The following MIR2052HG variants were observed in gnomAD, a reference collection of about 807,000 sequenced individuals.
The protein encoded by MIR2052HG is MIR2052 host gene.
At chr8:74,642,394 A>G (rs79343464) in intron 2 of MIR2052HG, among the ~76,000 whole-genome samples, 6,791 of 152,102 alleles carry the variant, frequency 0.045, 230 homozygotes, top group Non-Finnish European at 0.053. Context: ...CATTTCATGG[A>G]ACAAATTATT....
At chr8:74,665,650 T>A (rs2128737452) in intron 2 of MIR2052HG, among the ~76,000 whole-genome samples, 1 of 152,332 alleles carries the variant, frequency 6.6e-6, no homozygotes, top group East Asian at 1.9e-4. Flanking sequence ...CATTTTATTT[T>A]GACCACATTT....
intron 1 of MIR2052HG, among the ~76,000 whole-genome samples, chr8:74,602,817 G>GTTTGTTTCTTTCTTTCTTTC (rs554782820): frequency 2.7e-5 from 2 of 73,786 alleles, no homozygotes; most frequent in African/African-American, 1.3e-4. Context: ...GCCCGGCCGT[G>GTTTGTTTCTTTCTTTCTTTC]TTTCTTTCTT....
intron 2 of MIR2052HG, among the ~76,000 whole-genome samples, chr8:74,687,353 C>T (rs1809193148): frequency 6.6e-6 from 1 of 152,010 alleles, no homozygotes; most frequent in Non-Finnish European, 1.5e-5. Flanking sequence ...GGCATATATC[C>T]AAAATAATTA....
intron 1 of MIR2052HG, among the ~76,000 whole-genome samples, chr8:74,606,648 G>A (rs1030092473): frequency 5.3e-5 from 8 of 152,062 alleles, no homozygotes; most frequent in East Asian, 3.9e-4. Flanking sequence ...ACATAGACAC[G>A]TACAGGGGAA....
chr8:74,603,859 GC>G (rs1808064471), intron 1 of MIR2052HG: 1 of 926,862 alleles, frequency 1.1e-6, no homozygotes, highest in African/African-American at 1.6e-5. Context: ...CTAGACCTGA[GC>G]CCCTGTACTC....
chr8:74,702,097 A>C (rs2128740933), intron 2 of MIR2052HG, among the ~76,000 whole-genome samples: 1 of 152,170 alleles, frequency 6.6e-6, no homozygotes, highest in African/African-American at 2.4e-5. Flanking sequence ...TAAAGTTCAA[A>C]ATTTTTGACT....
intron 4 of MIR2052HG, among the ~76,000 whole-genome samples, chr8:74,718,607 C>T (rs985172792): frequency 6.6e-6 from 1 of 152,142 alleles, no homozygotes; most frequent in Admixed American, 6.5e-5. Context: ...CACCTAGGAA[C>T]AAAGGAAGCT....
intron 2 of MIR2052HG, chr8:74,615,094 T>TA: frequency 6.6e-6 from 1 of 152,296 alleles, no homozygotes; most frequent in African/African-American, 2.4e-5. Context: ...CTCTCTAGCC[T>TA]ACTTCATTGA....
At chr8:74,709,442 TG>T (rs1809444736) in intron 4 of MIR2052HG, among the ~76,000 whole-genome samples, 1 of 151,862 alleles carries the variant, frequency 6.6e-6, no homozygotes, top group Non-Finnish European at 1.5e-5. Context: ...TTTTTTTGAT[TG>T]GGGGAGGAGT....
chr8:74,692,439 A>G (rs1029932648), intron 2 of MIR2052HG, among the ~76,000 whole-genome samples: 9 of 152,218 alleles, frequency 5.9e-5, no homozygotes, highest in Non-Finnish European at 1.2e-4. Flanking sequence ...AGTAAGAACA[A>G]AGAGAATGTC....
chr8:74,732,202 G>A (rs1431654996), intron 4 of MIR2052HG, among the ~76,000 whole-genome samples: 2 of 152,114 alleles, frequency 1.3e-5, no homozygotes, highest in East Asian at 3.8e-4. Flanking sequence ...ACAGCTATTT[G>A]CGTGACATCT....
chr8:74,747,982 T>C (rs1217209701), intron 4 of MIR2052HG, among the ~76,000 whole-genome samples: 2 of 152,180 alleles, frequency 1.3e-5, no homozygotes, highest in Admixed American at 1.3e-4. Context: ...TCTCATGGTC[T>C]TTTTTTGCTG....
rs149797655 is a variant in MIR2052HG, at chr8:74,735,329, T to C, written n.372-17112T>C. Among the ~76,000 whole-genome samples the C allele has an allele frequency of 4.7e-3, 711 of 152,306 alleles. 3 individuals are homozygous for C. Among genetic ancestry groups the C allele is most frequent in the African/African-American group, 0.016 (647 of 41,564 alleles). On this transcript the variant is annotated intron_variant and non_coding_transcript_variant, in intron 4 of 6. Transcript: ENST00000523442. ...TTGTTGACAAGATGGAGCCTGCCCC[T>C]TGAAGTTTGGTCGCTTACTTGCAGG... is the stretch of plus-strand genomic sequence containing the variant.
intron 1 of MIR2052HG, chr8:74,604,348 A>G (rs1586884806): frequency 6.0e-6 from 2 of 331,390 alleles, no homozygotes; most frequent in Non-Finnish European, 1.2e-5. Context: ...TGAGGGGAAA[A>G]GGGGAATGGG....
intron 1 of MIR2052HG, among the ~76,000 whole-genome samples, chr8:74,610,261 A>G (rs1808174978): frequency 6.6e-6 from 1 of 151,952 alleles, no homozygotes; most frequent in Non-Finnish European, 1.5e-5. Flanking sequence ...TTGAGTTAAA[A>G]TTCAATATCA....
At chr8:74,753,984 G>A (rs1586932543) in intron 5 of MIR2052HG, among the ~76,000 whole-genome samples, 1 of 152,124 alleles carries the variant, frequency 6.6e-6, no homozygotes, top group Non-Finnish European at 1.5e-5. Context: ...TACCAATAAT[G>A]GGCTGATATC....
intron 4 of MIR2052HG, among the ~76,000 whole-genome samples, chr8:74,720,403 A>G (rs911595675): frequency 2.0e-5 from 3 of 152,184 alleles, no homozygotes; most frequent in African/African-American, 7.2e-5. Flanking sequence ...TAGTCAATGC[A>G]TAGCAAGATT....
intron 1 of MIR2052HG, among the ~76,000 whole-genome samples, chr8:74,604,427 C>T (rs1225255506): frequency 2.6e-5 from 3 of 116,400 alleles, no homozygotes; most frequent in East Asian, 2.9e-4. Context: ...GGGGGGGCCC[C>T]GCGGGCGGGC....
chr8:74,634,342 A>G (rs1808555181), intron 2 of MIR2052HG, among the ~76,000 whole-genome samples: 1 of 152,220 alleles, frequency 6.6e-6, no homozygotes, highest in Admixed American at 6.5e-5. Context: ...GCAGAGGTTT[A>G]CATAGACAAC....
Sources: allele counts gnomAD v4.1 joint callset (sites outside exome capture counted in the v4.1 genomes callset), GRCh38; gene constraint gnomAD v4.1.1; transcripts MANE v1.5; gene names NCBI Gene and HGNC (gene_info 2026-07-23, HGNC 2026-07-21).